The following ANTXR1 variants were observed in gnomAD, a reference collection of about 807,000 sequenced individuals.
The protein encoded by ANTXR1 is ANTXR cell adhesion molecule 1.
Under a neutral mutation model 78.1 loss-of-function variants are expected in ANTXR1, and 19 were observed. The observed-to-expected ratio is 0.24, with a 90% confidence interval of 0.17 to 0.36. The LOEUF (loss-of-function observed/expected upper bound fraction) is 0.36, where lower values mean the gene tolerates loss of function less well. ANTXR1 is among the 10% of genes least tolerant of loss of function. The probability of loss-of-function intolerance (pLI) is 1.00; values close to 1 mark genes in which losing one functional copy is unlikely to be tolerated. For missense variants in ANTXR1, 518 were observed against 718.6 expected, an observed-to-expected ratio of 0.72 and a Z score of 3.19; for synonymous variants, 273 against 260.5, an observed-to-expected ratio of 1.05 and a Z score of -0.46.
At chr2:69,123,513 G>C (rs941450550) in intron 11 of ANTXR1, among the ~76,000 whole-genome samples, 2 of 152,190 alleles carry the variant, frequency 1.3e-5, no homozygotes, top group Non-Finnish European at 2.9e-5. Context: ...CCTCCTTAGA[G>C]AAAGGGAGGC....
intron 12 of ANTXR1, chr2:69,145,438 A>G: frequency 6.4e-7 from 1 of 1,556,028 alleles, no homozygotes. Flanking sequence ...AGAGGAGCCA[A>G]ACATGCTCGG....
At chr2:69,026,887 G>T (rs879439362) in intron 1 of ANTXR1, among the ~76,000 whole-genome samples, 1 of 152,182 alleles carries the variant, frequency 6.6e-6, no homozygotes. Flanking sequence ...TCTAGGAGAC[G>T]CTGCATCGGG....
chr2:69,085,755 A>G (rs1454507114), intron 8 of ANTXR1, among the ~76,000 whole-genome samples: 1 of 152,184 alleles, frequency 6.6e-6, no homozygotes, highest in Non-Finnish European at 1.5e-5. Context: ...TATCTAAAGG[A>G]TGGCAGTTTA....
At position 69,142,788 on chromosome 2, in the gene ANTXR1, C is replaced by T. The variant is rs1024930690; in HGVS notation, c.952-9381C>T. On this transcript the variant is annotated intron_variant, in intron 12 of 17. Coordinates refer to ENST00000303714, the MANE Select transcript of ANTXR1 (RefSeq NM_032208.3). Reference sequence around the variant, plus strand: ...AGAAGAGCGAGGTATGTATGGGGAGCTAATGCCATTTAGTTCTGTCAAAGC... The same window carrying T: ...AGAAGAGCGAGGTATGTATGGGGAGTTAATGCCATTTAGTTCTGTCAAAGC... Among the ~76,000 whole-genome samples, 11 of 152,060 alleles carry T rather than the reference C, an allele frequency of 7.2e-5. 1 individual carries two copies. Among genetic ancestry groups the T allele is most frequent in the African/African-American group, 2.7e-4 (11 of 41,392 alleles).
intron 8 of ANTXR1, among the ~76,000 whole-genome samples, chr2:69,084,166 T>C (rs768136145): frequency 3.9e-5 from 6 of 152,162 alleles, no homozygotes; most frequent in Non-Finnish European, 7.4e-5. Context: ...CGAAATCAGC[T>C]CCCAAGAAAG....
chr2:69,034,845 G>C (rs1573792544), intron 1 of ANTXR1, among the ~76,000 whole-genome samples: 2 of 152,288 alleles, frequency 1.3e-5, no homozygotes, highest in East Asian at 3.9e-4. Flanking sequence ...CTTATAAAGA[G>C]ACTGACATGA....
At chr2:69,112,886 T>C (rs1056974352) in intron 10 of ANTXR1, among the ~76,000 whole-genome samples, 3 of 152,156 alleles carry the variant, frequency 2.0e-5, no homozygotes, top group Non-Finnish European at 4.4e-5. Context: ...TACGTTGAAA[T>C]TTACTGCCAT....
intron 3 of ANTXR1, among the ~76,000 whole-genome samples, chr2:69,054,180 AT>A (rs10715120): frequency 0.39 from 59,924 of 151,878 alleles, 18,132 homozygotes; most frequent in African/African-American, 0.81. Flanking sequence ...AAAGATGGGG[AT>A]TATCGAGGTG....
intron 10 of ANTXR1, among the ~76,000 whole-genome samples, chr2:69,116,105 T>C (rs1370370459): frequency 2.0e-5 from 3 of 152,220 alleles, no homozygotes; most frequent in Admixed American, 2.0e-4. Context: ...AAAATCTCTT[T>C]TTCTAGAGTT....
At chr2:69,019,615 TA>T (rs78690695) in intron 1 of ANTXR1, among the ~76,000 whole-genome samples, 2 of 151,904 alleles carry the variant, frequency 1.3e-5, no homozygotes, top group African/African-American at 4.8e-5. Context: ...TAAAAGATGT[TA>T]AAAAAAAGAA....
intron 3 of ANTXR1, among the ~76,000 whole-genome samples, chr2:69,058,340 T>C (rs553824630): frequency 3.2e-4 from 49 of 152,100 alleles, no homozygotes; most frequent in Non-Finnish European, 4.7e-4. Flanking sequence ...TTATAAGGAG[T>C]GAAGGTAGCT....
At chr2:69,159,340 G>A (rs1034282498) in intron 13 of ANTXR1, among the ~76,000 whole-genome samples, 15 of 152,182 alleles carry the variant, frequency 9.9e-5, no homozygotes, top group South Asian at 4.1e-4. Context: ...TGGAAGAGCC[G>A]AGGCAGGAGG....
chr2:69,219,036 GATT>G (rs1156307393), intron 17 of ANTXR1, among the ~76,000 whole-genome samples: 1 of 152,136 alleles, frequency 6.6e-6, no homozygotes, highest in Admixed American at 6.5e-5. Flanking sequence ...ATTTTATTAT[GATT>G]ATTATTTCAT....
intron 17 of ANTXR1, among the ~76,000 whole-genome samples, chr2:69,241,946 T>G (rs561935935): frequency 6.6e-6 from 1 of 152,230 alleles, no homozygotes; most frequent in South Asian, 2.1e-4. Flanking sequence ...CATCACACTG[T>G]GGGGTGTCCC....
chr2:69,173,509 C>T (rs956632262), intron 14 of ANTXR1, among the ~76,000 whole-genome samples: 2 of 152,184 alleles, frequency 1.3e-5, no homozygotes, highest in South Asian at 2.1e-4. Flanking sequence ...TAGTAAGCCC[C>T]GTGGCCATGG....
intron 16 of ANTXR1, among the ~76,000 whole-genome samples, chr2:69,189,332 A>G (rs759408043): frequency 3.9e-5 from 6 of 152,200 alleles, no homozygotes; most frequent in Admixed American, 1.3e-4. Context: ...TATTATTGAT[A>G]ACAGCCCTTG....
At chr2:69,092,337 A>C (rs1337677348) in intron 9 of ANTXR1, among the ~76,000 whole-genome samples, 4 of 152,238 alleles carry the variant, frequency 2.6e-5, no homozygotes, top group Non-Finnish European at 5.9e-5. Context: ...TCAGGGAGTT[A>C]GGTGCACTAA....
intron 17 of ANTXR1, among the ~76,000 whole-genome samples, chr2:69,237,914 G>T (rs963024399): frequency 5.9e-5 from 9 of 152,184 alleles, no homozygotes; most frequent in Admixed American, 5.2e-4. Flanking sequence ...AAATATCAAA[G>T]TGAAAGGGAA....
chr2:69,188,766 A>T (rs1674484807), intron 16 of ANTXR1, among the ~76,000 whole-genome samples: 1 of 152,238 alleles, frequency 6.6e-6, no homozygotes, highest in Admixed American at 6.5e-5. Flanking sequence ...CATGACAGAC[A>T]TCCAAGTCTG....
Sources: allele counts gnomAD v4.1 joint callset (sites outside exome capture counted in the v4.1 genomes callset), GRCh38; gene constraint gnomAD v4.1.1; transcripts MANE v1.5; gene names NCBI Gene and HGNC (gene_info 2026-07-23, HGNC 2026-07-21).